SARS1: variants seen among roughly 807,000 people sequenced by gnomAD.
SARS1 encodes serine--tRNA ligase, cytoplasmic.
SARS1 carries 25 observed loss-of-function variants against 63.7 expected under a neutral mutation model. The ratio of observed to expected loss-of-function variants is 0.39; its 90% confidence interval spans 0.29 to 0.55. The LOEUF (loss-of-function observed/expected upper bound fraction) is 0.55. Ranked by LOEUF, SARS1 falls within the 20% of genes least tolerant of loss-of-function variation. The probability of loss-of-function intolerance (pLI) is 0.62; values close to 1 mark genes in which losing one functional copy is unlikely to be tolerated. For missense variants in SARS1, 417 were observed against 649.7 expected, an observed-to-expected ratio of 0.64 and a Z score of 3.89; for synonymous variants, 231 against 243.5, an observed-to-expected ratio of 0.95 and a Z score of 0.48.
intron 1 of SARS1, chr1:109,216,846 C>T (rs1256945532): frequency 1.2e-6 from 1 of 830,604 alleles, no homozygotes; most frequent in African/African-American, 1.9e-5. Flanking sequence ...TGGCCTCAAA[C>T]TCCTGGCCTC....
At chr1:109,216,465 A>G (rs989177246) in intron 1 of SARS1, 1 of 985,208 alleles carries the variant, frequency 1.0e-6, no homozygotes, top group Non-Finnish European at 1.2e-6. Context: ...GAGTAGCGTA[A>G]TGATCCTACA....
At chr1:109,221,970 G>GTGTATATA (rs1654939076) in intron 1 of SARS1, among the ~76,000 whole-genome samples, 3 of 28,064 alleles carry the variant, frequency 1.1e-4, no homozygotes, top group Admixed American at 6.3e-4. Flanking sequence ...TTGTGTGTGT[G>GTGTATATA]TATATATATA....
chr1:109,237,491 T>A lies in SARS1; in HGVS notation c.1387+118T>A, dbSNP rs1397226103. On this transcript the variant is annotated intron_variant, in intron 10 of 10. Coordinates refer to ENST00000234677, the MANE Select transcript of SARS1 (RefSeq NM_006513.4). The surrounding 1 kb of genome is among the most constrained non-coding windows in gnomAD (Gnocchi z 4.1). ...TGTTCAGACACAGCCCCTGAAACTC[T>A]GTCTGCCCTCTCGGGCTGGGCAGGG... The A allele has an allele frequency of 5.4e-6, 8 of 1,472,084 alleles. No homozygotes were observed. The East Asian group carries it at 1.7e-4, about 30-fold the overall frequency. 91.2% of individuals were successfully genotyped at this position (1,472,084 alleles called of 1,614,324 possible). A position where few individuals can be genotyped will look rare whatever the true frequency, so the allele number is the denominator to read the frequency against.
chr1:109,229,602 C>T, intron 4 of SARS1, 30 bp downstream of exon 4: 1 of 1,599,828 alleles, frequency 6.3e-7, no homozygotes, highest in African/African-American at 1.3e-5. Context: ...CAGGAGGCTG[C>T]CTTAGGTCGC....
At chr1:109,231,536 T>G (rs1655211565) in intron 5 of SARS1, 95 bp from the exon 6 acceptor site, 1 of 1,116,160 alleles carries the variant, frequency 9.0e-7, no homozygotes, top group African/African-American at 1.6e-5. Context: ...TCGGTAGTCC[T>G]GTTCTCTTGG....
intron 1 of SARS1, among the ~76,000 whole-genome samples, chr1:109,221,324 G>A (rs1378086186): frequency 6.6e-6 from 1 of 152,092 alleles, no homozygotes; most frequent in Non-Finnish European, 1.5e-5. Flanking sequence ...CTCCCAAAGT[G>A]CTGGTATTAC....
At chr1:109,231,926 G>A (rs1655220451) in intron 6 of SARS1, 140 bp downstream of exon 6, 4 of 669,370 alleles carry the variant, frequency 6.0e-6, no homozygotes, top group Non-Finnish European at 8.8e-6. Context: ...CACTTAAAAT[G>A]TGGGTGGTGC....
intron 1 of SARS1, among the ~76,000 whole-genome samples, chr1:109,217,965 G>T (rs1249392478): frequency 1.3e-5 from 2 of 152,050 alleles, no homozygotes; most frequent in Non-Finnish European, 2.9e-5. Flanking sequence ...GCCGAGGCAG[G>T]CAGATCACAA....
intron 1 of SARS1, chr1:109,217,274 A>T: frequency 2.5e-6 from 1 of 402,348 alleles, no homozygotes; most frequent in African/African-American, 2.2e-5. Context: ...ATCATAGCTT[A>T]GCCAAGCCTA....
At chr1:109,233,439 T>C (rs1384021411) in intron 6 of SARS1, among the ~76,000 whole-genome samples, 1 of 152,036 alleles carries the variant, frequency 6.6e-6, no homozygotes, top group Non-Finnish European at 1.5e-5. Flanking sequence ...GCAAGGTAGT[T>C]TTCCAGGCCT....
At chr1:109,229,303 C>G in intron 3 of SARS1, 111 bp from the exon 4 acceptor site, 1 of 1,085,404 alleles carries the variant, frequency 9.2e-7, no homozygotes, top group Non-Finnish European at 1.3e-6. Flanking sequence ...TTTTAAAATG[C>G]TACCACAAGG....
In SARS1 at chr1:109,237,571, A is replaced by G. The variant is rs1052171251; in HGVS notation, c.1388-160A>G. ...GCAGGTATGATGTTGAAATGCTGCTAAAATTCAGACTAGGGAAGAAAAGAA... is the reference window on the plus strand; with the variant it reads ...GCAGGTATGATGTTGAAATGCTGCTGAAATTCAGACTAGGGAAGAAAAGAA... On this transcript the variant is annotated intron_variant, in intron 10 of 10. Transcript: ENST00000234677. The surrounding 1 kb of genome is among the most constrained non-coding windows in gnomAD (Gnocchi z 4.1). Among the ~76,000 whole-genome samples the G allele has an allele frequency of 9.2e-5, 14 of 152,354 alleles. No individual in the cohort carries two copies. The highest frequency in any genetic ancestry group is 3.4e-4 in the African/African-American group (14 of 41,572).
intron 9 of SARS1, chr1:109,236,813 T>C (rs2101209632): frequency 2.5e-6 from 4 of 1,598,424 alleles, no homozygotes; most frequent in East Asian, 2.2e-5. Flanking sequence ...AGAGAAAGAA[T>C]AATCTCCATT....
In SARS1 at chr1:109,235,927, T is replaced by G. The variant is rs1197987191; in HGVS notation, c.970-50T>G. On this transcript the variant is annotated intron_variant, in intron 7 of 10. Transcript: ENST00000234677. This position sits in a 1 kb window ranked among gnomAD's most constrained non-coding sequence, Gnocchi z 4.7. ...GCAAGGATGTCTCCCACTTCAGTCC[T>G]TTATTCACCCTATACCGCTGTCACC... 1 of 1,525,400 alleles carries G rather than the reference T, an allele frequency of 6.6e-7. No individual in the cohort carries two copies. Among genetic ancestry groups the G allele is most frequent in the African/African-American group, 1.4e-5 (1 of 72,302 alleles). 94.5% of individuals were successfully genotyped at this position (1,525,400 alleles called of 1,614,324 possible).
Position 109,237,645 on chromosome 1 carries a change from A to G in SARS1, c.1388-86A>G, listed in dbSNP as rs940674879. 3.4e-6 allele frequency: 5 copies of G among 1,458,322 alleles called. No individual in the cohort carries two copies. The African/African-American group carries it at 7.1e-5, about 21-fold the overall frequency. 90.3% of individuals were successfully genotyped at this position (1,458,322 alleles called of 1,614,324 possible). A position where few individuals can be genotyped will look rare whatever the true frequency, so the allele number is the denominator to read the frequency against. ...AGGGACCCCTCTGTTCAAAGGGATC[A>G]TTGTCTTGTTGAATTCTCCCCAGAG... On this transcript the variant is annotated intron_variant, in intron 10 of 10. Coordinates refer to ENST00000234677, the MANE Select transcript of SARS1 (RefSeq NM_006513.4). The surrounding 1 kb of genome is among the most constrained non-coding windows in gnomAD (Gnocchi z 4.1).
intron 1 of SARS1, among the ~76,000 whole-genome samples, chr1:109,219,334 AC>A (rs1654872475): frequency 2.2e-5 from 1 of 45,644 alleles, no homozygotes; most frequent in African/African-American, 7.0e-5. Flanking sequence ...TTATATACAC[AC>A]TATATATATA....
Position 109,214,510 on chromosome 1 carries a change from T to TG in SARS1, c.136+382_136+383insG. 1 of 1,016,892 alleles carries TG rather than the reference T, an allele frequency of 9.8e-7. No individual in the cohort carries two copies. Among genetic ancestry groups the TG allele is most frequent in the Non-Finnish European group, 1.2e-6 (1 of 847,920 alleles). The allele number at this position is 1,016,892 out of a possible 1,614,324, so 63.0% of individuals were successfully genotyped here. On this transcript the variant is annotated intron_variant, in intron 1 of 10. Coordinates refer to ENST00000234677, the MANE Select transcript of SARS1 (RefSeq NM_006513.4). This position sits in a 1 kb window ranked among gnomAD's most constrained non-coding sequence, Gnocchi z 4.6. ...GTCCCCCCCAGTCTTTTTCTCATCT[T>TG]CAGCAAGGCCAGAGTGGTTTTCCTT...
At chr1:109,230,091 G>A (rs1044735671) in intron 4 of SARS1, among the ~76,000 whole-genome samples, 3 of 152,084 alleles carry the variant, frequency 2.0e-5, no homozygotes, top group African/African-American at 4.8e-5. Flanking sequence ...GCAGGAGGCT[G>A]CAGAGCACAG....
chr1:109,216,172 G>T, intron 1 of SARS1: 1 of 985,386 alleles, frequency 1.0e-6, no homozygotes, highest in Non-Finnish European at 1.2e-6. Flanking sequence ...TTGAACTTCA[G>T]ATCAGAGGAT....
Sources: allele counts gnomAD v4.1 joint callset (sites outside exome capture counted in the v4.1 genomes callset), GRCh38; gene constraint gnomAD v4.1.1; non-coding constraint Gnocchi (gnomAD v3.1); transcripts MANE v1.5; gene names NCBI Gene and HGNC (gene_info 2026-07-23, HGNC 2026-07-21).